The following RPS6KB1 variants were observed in gnomAD, a reference collection of about 807,000 sequenced individuals.
RPS6KB1 encodes the protein ribosomal protein S6 kinase beta-1.
RPS6KB1 carries 12 observed loss-of-function variants against 70.2 expected under a neutral mutation model. The ratio of observed to expected loss-of-function variants is 0.17; its 90% CI spans 0.11 to 0.28. The LOEUF (loss-of-function observed/expected upper bound fraction) is 0.28, where lower values mean the gene tolerates loss of function less well. Among genes scored for constraint, RPS6KB1 ranks in the 10% least tolerant of loss-of-function variants. The pLI is 1.00. For missense variants in RPS6KB1, 270 were observed against 646.6 expected, an observed-to-expected ratio of 0.42 and a Z score of 6.32; for synonymous variants, 175 against 211.2, an observed-to-expected ratio of 0.83 and a Z score of 1.49.
In RPS6KB1 at chr17:59,931,548, A is replaced by G; in HGVS notation, c.588-74A>G. 4 of 1,162,030 alleles carry G rather than the reference A, an allele frequency of 3.4e-6. No individual in the cohort carries two copies. In the South Asian group the frequency reaches 3.8e-5, roughly 11 times the overall value. The allele number at this position is 1,162,030 out of a possible 1,614,324, so 72.0% of individuals were successfully genotyped here. On this transcript the variant is annotated intron_variant, in intron 6 of 14. Coordinates refer to ENST00000225577, the MANE Select transcript of RPS6KB1 (RefSeq NM_003161.4). Reference sequence around the variant, plus strand: ...GGTGCATGTCTGTTTCTTTCAAGGAATTTTGCTCCATACGTAAACTGCTTT... The same window carrying G: ...GGTGCATGTCTGTTTCTTTCAAGGAGTTTTGCTCCATACGTAAACTGCTTT...
chr17:59,919,971 C>G (rs2043176258), intron 4 of RPS6KB1, among the ~76,000 whole-genome samples: 1 of 152,162 alleles, frequency 6.6e-6, no homozygotes, highest in Non-Finnish European at 1.5e-5. Context: ...TGGACCATTG[C>G]TTTATCCCCA....
rs2044115500 is a variant in RPS6KB1 at position 59,934,352 on chromosome 17, C to T, written c.780-82C>T. On this transcript the variant is annotated intron_variant, in intron 8 of 14. Coordinates refer to ENST00000225577, the MANE Select transcript of RPS6KB1 (RefSeq NM_003161.4). This position sits in a 1 kb window ranked among gnomAD's most constrained non-coding sequence, Gnocchi z 4.8. Reference sequence around the variant, plus strand: ...TATCTGTTTTCTGTACCCTCATTGACTCTGTATATTGTTTTTAAAATTCTA... The same window carrying T: ...TATCTGTTTTCTGTACCCTCATTGATTCTGTATATTGTTTTTAAAATTCTA... 5 of 1,457,254 alleles carry T rather than the reference C, an allele frequency of 3.4e-6. No homozygotes were observed. Among genetic ancestry groups the T allele is most frequent in the Non-Finnish European group, 4.8e-6 (5 of 1,038,432 alleles). 90.3% of individuals were successfully genotyped at this position (1,457,254 alleles called of 1,614,324 possible). A position where few individuals can be genotyped will look rare whatever the true frequency, so the allele number is the denominator to read the frequency against.
chr17:59,903,638 C>T (rs938963534), intron 1 of RPS6KB1, among the ~76,000 whole-genome samples: 5 of 152,254 alleles, frequency 3.3e-5, no homozygotes, highest in South Asian at 2.1e-4. Context: ...TTTTCCAACA[C>T]GGTTGCACCA....
chr17:59,901,625 G>GAAAAAAAAAAAA (rs58530265), intron 1 of RPS6KB1, among the ~76,000 whole-genome samples: 2 of 79,190 alleles, frequency 2.5e-5, no homozygotes, highest in Non-Finnish European at 4.6e-5. Context: ...CCCTGTCTCT[G>GAAAAAAAAAAAA]AAAAAAAAAA....
intron 12 of RPS6KB1, 53 bp downstream of exon 12, chr17:59,936,594 C>T (rs1335823871): frequency 2.0e-6 from 3 of 1,468,762 alleles, no homozygotes; most frequent in Admixed American, 1.7e-5. Context: ...GCCTGTAATC[C>T]CCAAACTTTA....
Position 59,948,516 on chromosome 17 carries a change from G to A in RPS6KB1, c.*1728G>A, listed in dbSNP as rs550930454. ...AGAAAAGAGCAAGGCTTTGCTTTTT[G>A]AAATTGCAACTCAAATGAGATGGGA... On this transcript the variant is annotated 3_prime_UTR_variant, in exon 15 of 15. Transcript: ENST00000225577. 28 of 152,644 alleles carry A rather than the reference G, an allele frequency of 1.8e-4. No homozygotes were observed. The highest frequency in any genetic ancestry group is 6.7e-4 in the African/African-American group (28 of 41,552). The allele number at this position is 152,644 out of a possible 1,614,324, so 9.5% of individuals were successfully genotyped here.
At chr17:59,930,976 T>G (rs1568473332) in intron 6 of RPS6KB1, 1 of 152,726 alleles carries the variant, frequency 6.5e-6, no homozygotes, top group East Asian at 1.9e-4. Context: ...ATTGCAACAT[T>G]GTTATGCAGC....
chr17:59,923,343 A>G (rs1194025671), intron 4 of RPS6KB1, among the ~76,000 whole-genome samples: 1 of 151,760 alleles, frequency 6.6e-6, no homozygotes, highest in Non-Finnish European at 1.5e-5. Context: ...GGTGTGTACT[A>G]TCACACGTGG....
chr17:59,941,382 T>G (rs2044573411), intron 13 of RPS6KB1, among the ~76,000 whole-genome samples: 1 of 151,084 alleles, frequency 6.6e-6, no homozygotes, highest in Non-Finnish European at 1.5e-5. Context: ...TGTAGTGTAG[T>G]GGTGTGATCA....
At position 59,947,137 on chromosome 17, in the gene RPS6KB1, A is replaced by T. The variant is rs893105673; in HGVS notation, c.*349A>T. On this transcript the variant is annotated 3_prime_UTR_variant, in exon 15 of 15. Coordinates refer to ENST00000225577, the MANE Select transcript of RPS6KB1 (RefSeq NM_003161.4). Reference sequence around the variant, plus strand: ...CTGTTGAGTTCTGATTGTGTTGAAGAAGGGTTATCCTTTCATTAGGCAAAG... The same window carrying T: ...CTGTTGAGTTCTGATTGTGTTGAAGTAGGGTTATCCTTTCATTAGGCAAAG... 1 of 1,092,152 alleles carries T rather than the reference A, an allele frequency of 9.2e-7. No homozygotes were observed. The highest frequency in any genetic ancestry group is 1.1e-6 in the Non-Finnish European group (1 of 895,866). 67.7% of individuals were successfully genotyped at this position (1,092,152 alleles called of 1,614,324 possible).
In RPS6KB1 at chr17:59,934,028, G is replaced by A; in HGVS notation, c.689-142G>A. 1 of 644,992 alleles carries A rather than the reference G, an allele frequency of 1.6e-6. No individual in the cohort carries two copies. The highest frequency in any genetic ancestry group is 2.8e-6 in the Non-Finnish European group (1 of 355,124). The allele number at this position is 644,992 out of a possible 1,614,324, so 40.0% of individuals were successfully genotyped here. On this transcript the variant is annotated intron_variant, in intron 7 of 14. Coordinates refer to ENST00000225577, the MANE Select transcript of RPS6KB1 (RefSeq NM_003161.4). This position sits in a 1 kb window ranked among gnomAD's most constrained non-coding sequence, Gnocchi z 4.8. ...CAGTTAGCATCCCATTTTATGGATG[G>A]TACCTTGTTCTTGACATCTGCAAGA...
chr17:59,893,904 T>C lies in RPS6KB1; in HGVS notation c.141+579T>C. On this transcript the variant is annotated intron_variant, in intron 1 of 14. Coordinates refer to ENST00000225577, the MANE Select transcript of RPS6KB1 (RefSeq NM_003161.4). The surrounding 1 kb of genome is among the most constrained non-coding windows in gnomAD (Gnocchi z 4.1). ...TATTTCGGGAGCAAGGGGGCTCTGCTGCATCTTCCAATCTTCCAGGGTTTG... is the reference window on the plus strand; with the variant it reads ...TATTTCGGGAGCAAGGGGGCTCTGCCGCATCTTCCAATCTTCCAGGGTTTG... The C allele has an allele frequency of 2.0e-6, 2 of 984,838 alleles. No individual in the cohort carries two copies. The highest frequency in any genetic ancestry group is 2.4e-6 in the Non-Finnish European group (2 of 829,866). The allele number at this position is 984,838 out of a possible 1,614,324, so 61.0% of individuals were successfully genotyped here. A position where few individuals can be genotyped will look rare whatever the true frequency, so the allele number is the denominator to read the frequency against.
intron 1 of RPS6KB1, among the ~76,000 whole-genome samples, chr17:59,908,416 G>A: frequency 6.6e-6 from 1 of 151,388 alleles, no homozygotes; most frequent in East Asian, 2.0e-4. Context: ...GGCCAGGATG[G>A]TCTCAAACTT....
At chr17:59,909,467 C>T (rs1400714831) in intron 1 of RPS6KB1, among the ~76,000 whole-genome samples, 5 of 147,918 alleles carry the variant, frequency 3.4e-5, no homozygotes, top group East Asian at 2.1e-4. Context: ...TGGATTTCAT[C>T]GTATTGGCCA....
Position 59,893,314 on chromosome 17 carries a change from C to T in RPS6KB1, c.130C>T (p.Leu44=), listed in dbSNP as rs762817143. The T allele has an allele frequency of 1.9e-6, 3 of 1,608,886 alleles. No homozygotes were observed. Among genetic ancestry groups the T allele is most frequent in the Non-Finnish European group, 2.5e-6 (3 of 1,177,854 alleles). ...AGAGGACGCGGGCTCTGAGGATGAG[C>T]TGGAGGAGGGGGTGAGGCCCGGGGT... The part of the protein sequence containing the change: ...QPEDAGSEDE[L]EEGGQLNESM... Residue 44 remains leucine (L), a synonymous_variant, in exon 1 of 15, where the codon CTG becomes TTG. Transcript: ENST00000225577. This position sits in a 1 kb window ranked among gnomAD's most constrained non-coding sequence, Gnocchi z 4.1.
At chr17:59,898,262 G>A (rs942995608) in intron 1 of RPS6KB1, among the ~76,000 whole-genome samples, 3 of 152,086 alleles carry the variant, frequency 2.0e-5, no homozygotes, top group African/African-American at 2.4e-5. Context: ...AAATAATCAC[G>A]CAGGCTTACT....
intron 1 of RPS6KB1, among the ~76,000 whole-genome samples, chr17:59,895,780 G>A (rs903242719): frequency 2.6e-5 from 4 of 151,114 alleles, no homozygotes; most frequent in African/African-American, 7.3e-5. Context: ...CTACAGGCGC[G>A]CACCACCATG....
At chr17:59,929,484 C>G (rs1435266703) in intron 5 of RPS6KB1, among the ~76,000 whole-genome samples, 1 of 152,240 alleles carries the variant, frequency 6.6e-6, no homozygotes, top group Admixed American at 6.5e-5. Flanking sequence ...TCCGTCACGT[C>G]TTCTTCATTT....
rs755740908 is a variant in RPS6KB1 at position 59,893,371 on chromosome 17, G to A, written c.141+46G>A. On this transcript the variant is annotated intron_variant, in intron 1 of 14. Transcript: ENST00000225577. The surrounding 1 kb of genome is among the most constrained non-coding windows in gnomAD (Gnocchi z 4.1). ...GGGCCCGAGGTGACAGGGCCGGGGC[G>A]GCGGCGCGGGCTCAGGAAGCGCGGT... The A allele has an allele frequency of 6.4e-7, 1 of 1,553,078 alleles. No homozygotes were observed. The highest frequency in any genetic ancestry group is 1.2e-5 in the South Asian group (1 of 85,160).
Sources: gnomAD v4.1 joint callset for allele counts (sites outside exome capture counted in the v4.1 genomes callset) on GRCh38, gnomAD v4.1.1 for gene constraint, Gnocchi (gnomAD v3.1) non-coding constraint, MANE v1.5 for transcripts, NCBI Gene and HGNC (gene_info 2026-07-23, HGNC 2026-07-21) for gene names.